PSMA3: variants seen among roughly 807,000 people sequenced by gnomAD.
PSMA3 encodes the protein proteasome 20S subunit alpha 3, also known as proteasome subunit alpha type-3.
PSMA3 carries 8 observed loss-of-function variants against 40.0 expected under a neutral mutation model. The ratio of observed to expected loss-of-function variants is 0.20; its 90% CI spans 0.12 to 0.36. PSMA3 has a LOEUF of 0.36. Among genes scored for constraint, PSMA3 ranks in the 10% least tolerant of loss-of-function variants. The pLI is 1.00. For synonymous variants in PSMA3, 110 were observed against 100.0 expected, an observed-to-expected ratio of 1.10 and a Z score of -0.59; for missense variants, 219 against 310.6, an observed-to-expected ratio of 0.70 and a Z score of 2.22.
rs760932381 is a variant in PSMA3, at chr14:58,267,455, T to G, written c.544-19T>G. 6 of 1,545,022 alleles carry G rather than the reference T, an allele frequency of 3.9e-6. No individual in the cohort carries two copies. The highest frequency in any genetic ancestry group is 3.5e-6 in the Non-Finnish European group (4 of 1,152,506). ...GAAAATGTTCTTCTGATGAACAGTA[T>G]ACATTTTATTTTCTATAGATGAAAG... On this transcript the variant is annotated intron_variant, in intron 7 of 10. Transcript: ENST00000216455.
chr14:58,260,000 T>C (rs1890236163), intron 5 of PSMA3, among the ~76,000 whole-genome samples: 1 of 152,226 alleles, frequency 6.6e-6, no homozygotes, highest in Non-Finnish European at 1.5e-5. Context: ...AAGTCTCATA[T>C]CGGTAGAAAA....
chr14:58,253,320 G>A (rs935677316), intron 3 of PSMA3, among the ~76,000 whole-genome samples: 8 of 152,084 alleles, frequency 5.3e-5, no homozygotes, highest in Non-Finnish European at 1.0e-4. Context: ...AAAAACAGAT[G>A]CACAGCAAGT....
At chr14:58,248,236 G>C (rs1386864567) in intron 2 of PSMA3, among the ~76,000 whole-genome samples, 1 of 152,112 alleles carries the variant, frequency 6.6e-6, no homozygotes, top group African/African-American at 2.4e-5. Flanking sequence ...TTCTATGTCT[G>C]TTTCTGTTTT....
chr14:58,254,340 A>ATATATATATATATATATATATGTATG, intron 3 of PSMA3, among the ~76,000 whole-genome samples: 3,524 of 34,850 alleles, frequency 0.1, 787 homozygotes, highest in Non-Finnish European at 0.16. Flanking sequence ...ATGCATATAT[A>ATATATATATATATATATATATGTATG]TATGTATGTA....
intron 2 of PSMA3, among the ~76,000 whole-genome samples, chr14:58,250,482 T>C (rs1004842165): frequency 1.3e-5 from 2 of 151,696 alleles, no homozygotes; most frequent in Admixed American, 1.3e-4. Flanking sequence ...TTTTGAAGGT[T>C]GACAGTGAGG....
At chr14:58,255,206 C>A (rs1280560939) in intron 3 of PSMA3, among the ~76,000 whole-genome samples, 2 of 151,064 alleles carry the variant, frequency 1.3e-5, no homozygotes, top group Non-Finnish European at 2.9e-5. Context: ...TTTAAATACA[C>A]ACATAGTGAA....
chr14:58,270,953 A>C lies in PSMA3; in HGVS notation c.678A>C (p.Glu226Asp). 6.2e-7 allele frequency: 1 copy of C among 1,608,270 alleles called. No individual in the cohort carries two copies. Among genetic ancestry groups the C allele is most frequent in the South Asian group, 1.1e-5 (1 of 90,350 alleles). The part of the protein sequence containing the change: ...WVGELTNGRH[E>D]IVPKDIREEA... The stretch of plus-strand genomic sequence containing the variant: ...TTACAGTAACTAATGGAAGACATGA[A>C]ATTGTTCCAAAAGATATAAGAGAAG... Residue 226 changes from glutamate to aspartate, a missense_variant, in exon 10 of 11, where the codon GAA (glutamate) becomes GAC (aspartate). By Grantham distance (45) the Glu-to-Asp change is conservative. Coordinates refer to ENST00000216455, the MANE Select transcript of PSMA3 (RefSeq NM_002788.4).
chr14:58,249,909 T>C (rs1889967847), intron 2 of PSMA3, among the ~76,000 whole-genome samples: 1 of 152,088 alleles, frequency 6.6e-6, no homozygotes, highest in Admixed American at 6.5e-5. Flanking sequence ...GTGTGGAAGA[T>C]GTTGAGTTGA....
chr14:58,245,790 A>G (rs1594821879), intron 1 of PSMA3, among the ~76,000 whole-genome samples: 1 of 152,180 alleles, frequency 6.6e-6, no homozygotes, highest in East Asian at 1.9e-4. Flanking sequence ...CAGTTCCTCA[A>G]TTTCTACTTC....
chr14:58,261,996 G>C (rs1042965422), intron 6 of PSMA3, among the ~76,000 whole-genome samples: 29 of 151,450 alleles, frequency 1.9e-4, no homozygotes, highest in Non-Finnish European at 8.8e-5. Context: ...GCTCGATCTT[G>C]GTTCACTGCA....
At chr14:58,255,749 A>G (rs966674884) in intron 3 of PSMA3, among the ~76,000 whole-genome samples, 2 of 152,368 alleles carry the variant, frequency 1.3e-5, no homozygotes, top group Admixed American at 1.3e-4. Context: ...AGCCTGGGCA[A>G]CAAGAGCAAA....
chr14:58,270,503 A>G lies in PSMA3; in HGVS notation c.658+18A>G, dbSNP rs2140099270. 1.2e-6 allele frequency: 2 copies of G among 1,613,440 alleles called. No homozygotes were observed. Among genetic ancestry groups the G allele is most frequent in the Non-Finnish European group, 1.7e-6 (2 of 1,179,624 alleles). On this transcript the variant is annotated intron_variant, in intron 9 of 10. Coordinates refer to ENST00000216455, the MANE Select transcript of PSMA3 (RefSeq NM_002788.4). ...TGGTGAATGTAAGTTATTTTTGTAC[A>G]TTTATTTGCCTTAGGAATGATCTGT...
chr14:58,259,981 C>G (rs1890234998), intron 5 of PSMA3, among the ~76,000 whole-genome samples: 1 of 152,116 alleles, frequency 6.6e-6, no homozygotes, highest in Admixed American at 6.6e-5. Context: ...GCTATATATC[C>G]TGAAGGATAA....
At chr14:58,253,291 A>G (rs1007157653) in intron 3 of PSMA3, among the ~76,000 whole-genome samples, 5 of 151,924 alleles carry the variant, frequency 3.3e-5, no homozygotes, top group Admixed American at 3.3e-4. Context: ...GCCCGGCCTA[A>G]TGCCATTTTC....
At chr14:58,264,875 T>A (rs975050162) in intron 7 of PSMA3, 1 of 152,234 alleles carries the variant, frequency 6.6e-6, no homozygotes, top group Non-Finnish European at 1.5e-5. Flanking sequence ...TTCTTTTCCA[T>A]TGCACACTTA....
rs200715859 is a variant in PSMA3 at position 58,268,940 on chromosome 14, CT to C, written c.590+1432del. 6.4e-3 allele frequency: 942 copies of C among 146,776 alleles called. 6 individuals are homozygous for C. Among genetic ancestry groups the C allele is most frequent in the African/African-American group, 0.014 (580 of 40,356 alleles). The allele number at this position is 146,776 out of a possible 1,614,324, so 9.1% of individuals were successfully genotyped here. The stretch of plus-strand genomic sequence containing the variant: ...CTCTGCTACTGTACTTAATTTGATA[CT>C]TTTTTTTTTTTGAGATGGAGTCTCA... On this transcript the variant is annotated intron_variant, in intron 8 of 10. Transcript: ENST00000216455.
In PSMA3 at chr14:58,257,835, A is replaced by T; in HGVS notation, c.319A>T (p.Ile107Phe). Reference protein sequence around the residue: ...SNFRSNFGYNIPLKHLADRVA... With the variant: ...SNFRSNFGYNFPLKHLADRVA... ...CTTCAGATCTAACTTTGGCTACAAC[A>T]TTCCACTAAAAGTAAGTTGATAACA... The change falls in exon 4 of 11, where the codon ATT (isoleucine) becomes TTT (phenylalanine). Residue 107 changes from isoleucine to phenylalanine, a missense_variant. Coordinates refer to ENST00000216455, the MANE Select transcript of PSMA3 (RefSeq NM_002788.4). 1 of 1,613,376 alleles carries T rather than the reference A, an allele frequency of 6.2e-7. No individual in the cohort carries two copies. The highest frequency in any genetic ancestry group is 8.5e-7 in the Non-Finnish European group (1 of 1,179,348).
intron 3 of PSMA3, among the ~76,000 whole-genome samples, chr14:58,253,723 A>G (rs1194286274): frequency 1.3e-5 from 2 of 152,092 alleles, no homozygotes; most frequent in Non-Finnish European, 2.9e-5. Context: ...ACTCTCAAGT[A>G]GCTGGGATTA....
At chr14:58,265,632 T>TCGTA (rs1890416562) in intron 7 of PSMA3, 2 of 152,260 alleles carry the variant, frequency 1.3e-5, no homozygotes, top group Admixed American at 6.5e-5. Flanking sequence ...TGACCCCTGC[T>TCGTA]CTGTACCATT....
Sources: gnomAD v4.1 joint callset for allele counts (sites outside exome capture counted in the v4.1 genomes callset) on GRCh38, gnomAD v4.1.1 for gene constraint, MANE v1.5 for transcripts, NCBI Gene and HGNC (gene_info 2026-07-23, HGNC 2026-07-21) for gene names.